The following ZSWIM6 variants were observed in gnomAD, a reference collection of about 807,000 sequenced individuals.
ZSWIM6 encodes the protein zinc finger SWIM-type containing 6.
Under a neutral mutation model 113.2 loss-of-function variants are expected in ZSWIM6, and 9 were observed. The ratio of observed to expected loss-of-function variants is 0.08; its 90% CI spans 0.05 to 0.14. The LOEUF (loss-of-function observed/expected upper bound fraction) is 0.14, where lower values mean the gene tolerates loss of function less well. ZSWIM6 is among the 10% of genes least tolerant of loss of function. The pLI is 1.00. For missense variants in ZSWIM6, 1,162 were observed against 1,552.2 expected, an observed-to-expected ratio of 0.75 and a Z score of 4.22; for synonymous variants, 611 against 606.5, an observed-to-expected ratio of 1.01 and a Z score of -0.11.
chr5:61,491,700 T>TG (rs1179130960), intron 3 of ZSWIM6, among the ~76,000 whole-genome samples: 4 of 152,098 alleles, frequency 2.6e-5, no homozygotes, highest in Non-Finnish European at 5.9e-5. Context: ...ATATTTTCAT[T>TG]GGGGGTATAG....
At position 61,332,581 on chromosome 5, in the gene ZSWIM6, G is replaced by T; in HGVS notation, c.309G>T (p.Glu103Asp). ...RVEERFERIPEPVQRRIVYWS... is the reference protein window; with the variant it reads ...RVEERFERIPDPVQRRIVYWS... Reference sequence around the variant, plus strand: ...AGGAGCGCTTTGAGCGCATCCCGGAGCCGGTGCAGCGCCGCATAGTCTATT... The same window carrying T: ...AGGAGCGCTTTGAGCGCATCCCGGATCCGGTGCAGCGCCGCATAGTCTATT... Residue 103 changes from glutamate to aspartate, a missense_variant, in exon 1 of 14, where the codon GAG (glutamate) becomes GAT (aspartate). By Grantham distance (45) the Glu-to-Asp change is conservative. Transcript: ENST00000252744. 7.4e-7 allele frequency: 1 copy of T among 1,358,484 alleles called. No individual in the cohort carries two copies. 84.2% of individuals were successfully genotyped at this position (1,358,484 alleles called of 1,614,324 possible).
intron 9 of ZSWIM6, among the ~76,000 whole-genome samples, chr5:61,532,766 T>C (rs1035396057): frequency 7.2e-5 from 11 of 152,322 alleles, no homozygotes; most frequent in Admixed American, 4.6e-4. Flanking sequence ...TGAAGCACTC[T>C]CCTGAACCTG....
chr5:61,443,012 C>G (rs992629998), intron 1 of ZSWIM6, among the ~76,000 whole-genome samples: 1 of 152,208 alleles, frequency 6.6e-6, no homozygotes, highest in Admixed American at 6.5e-5. Context: ...CTGCTTCATA[C>G]TAGGTTAGCA....
intron 4 of ZSWIM6, among the ~76,000 whole-genome samples, chr5:61,496,008 C>T (rs1748304773): frequency 6.6e-6 from 1 of 152,084 alleles, no homozygotes; most frequent in African/African-American, 2.4e-5. Context: ...TACATACAGT[C>T]AAATAAAATT....
rs769308131 is a variant in ZSWIM6 at position 61,543,773 on chromosome 5, G to A, written c.3104G>A (p.Arg1035Gln). 9 of 1,551,774 alleles carry A rather than the reference G, an allele frequency of 5.8e-6. No homozygotes were observed. The highest frequency in any genetic ancestry group is 2.4e-5 in the South Asian group (2 of 84,062). The change falls in exon 14 of 14, where the codon CGG becomes CAG. Residue 1035 changes from arginine (R) to glutamine (Q), a missense_variant. By Grantham distance (43) the Arg-to-Gln change is conservative. Around this residue, in one of 4 missense-constraint regions of ZSWIM6, gnomAD observed 620 missense variants for 804.6 expected, o/e 0.77. Coordinates refer to ENST00000252744, the MANE Select transcript of ZSWIM6 (RefSeq NM_020928.2). This position sits in a 1 kb window ranked among gnomAD's most constrained non-coding sequence, Gnocchi z 4.3. ...TATACACAGCTCTTTACAATAGCAC[G>A]GTACATGGAGCACCGCGGGTACCCC... ...MSYTQLFTIA[R>Q]YMEHRGYPMR...
intron 2 of ZSWIM6, among the ~76,000 whole-genome samples, chr5:61,487,464 A>C (rs1748051073): frequency 6.6e-6 from 1 of 151,952 alleles, no homozygotes; most frequent in Admixed American, 6.6e-5. Flanking sequence ...ATTGCGTTGA[A>C]TCTGTAGATT....
intron 1 of ZSWIM6, among the ~76,000 whole-genome samples, chr5:61,400,551 T>C (rs1745924499): frequency 6.6e-6 from 1 of 152,270 alleles, no homozygotes; most frequent in Middle Eastern, 3.2e-3. Flanking sequence ...TGTGACATAC[T>C]TGATGTTTTA....
At chr5:61,477,976 G>T (rs957346744) in intron 2 of ZSWIM6, among the ~76,000 whole-genome samples, 1 of 152,172 alleles carries the variant, frequency 6.6e-6, no homozygotes, top group Non-Finnish European at 1.5e-5. Flanking sequence ...TCATCTGATG[G>T]AGGACTCATG....
chr5:61,455,441 A>C (rs1747185240), intron 1 of ZSWIM6, among the ~76,000 whole-genome samples: 1 of 152,174 alleles, frequency 6.6e-6, no homozygotes, highest in South Asian at 2.1e-4. Flanking sequence ...AAAATCTCCG[A>C]CTTGTACTCG....
At chr5:61,511,448 C>G (rs932190556) in intron 4 of ZSWIM6, among the ~76,000 whole-genome samples, 3 of 152,090 alleles carry the variant, frequency 2.0e-5, no homozygotes, top group African/African-American at 7.2e-5. Flanking sequence ...TCGCTATGGT[C>G]TGAATGTTTG....
At chr5:61,511,826 A>G (rs1037184288) in intron 4 of ZSWIM6, among the ~76,000 whole-genome samples, 1 of 152,176 alleles carries the variant, frequency 6.6e-6, no homozygotes, top group Non-Finnish European at 1.5e-5. Flanking sequence ...AGTAATTCTG[A>G]CTGTGAAGGG....
chr5:61,381,920 T>C (rs1052698977), intron 1 of ZSWIM6, among the ~76,000 whole-genome samples: 1 of 152,198 alleles, frequency 6.6e-6, no homozygotes, highest in Non-Finnish European at 1.5e-5. Flanking sequence ...ATATCTTTCT[T>C]GATATAACAA....
At chr5:61,379,828 A>G (rs1745441671) in intron 1 of ZSWIM6, among the ~76,000 whole-genome samples, 1 of 152,168 alleles carries the variant, frequency 6.6e-6, no homozygotes, top group Non-Finnish European at 1.5e-5. Flanking sequence ...GCTTGACATT[A>G]TTAGTATGTC....
intron 1 of ZSWIM6, among the ~76,000 whole-genome samples, chr5:61,434,231 A>G (rs574922238): frequency 3.8e-4 from 57 of 148,540 alleles, no homozygotes; most frequent in African/African-American, 1.3e-3. Flanking sequence ...TGTATAATAC[A>G]TATATACACA....
intron 1 of ZSWIM6, among the ~76,000 whole-genome samples, chr5:61,450,272 G>T (rs1389155724): frequency 6.6e-6 from 1 of 152,058 alleles, no homozygotes; most frequent in East Asian, 1.9e-4. Context: ...ATGGTGATTT[G>T]TTCAAATTCT....
rs115226967 is a variant in ZSWIM6 at position 61,531,267 on chromosome 5, G to A, written c.1985-198G>A. ...TTTGTAATGTTATATCCCCCAAAAC[G>A]TAAACATTTAATCATTCATGGTCAT... On this transcript the variant is annotated intron_variant, in intron 8 of 13. Coordinates refer to ENST00000252744, the MANE Select transcript of ZSWIM6 (RefSeq NM_020928.2). Among the ~76,000 whole-genome samples the A allele has an allele frequency of 8.9e-3, 1,360 of 152,220 alleles. 15 individuals carry two copies. The highest frequency in any genetic ancestry group is 0.013 in the Non-Finnish European group (853 of 68,008).
intron 2 of ZSWIM6, among the ~76,000 whole-genome samples, chr5:61,475,600 A>G (rs1458982141): frequency 6.6e-6 from 1 of 152,132 alleles, no homozygotes; most frequent in Non-Finnish European, 1.5e-5. Context: ...TCTTCACTTA[A>G]TTTATCATCA....
intron 12 of ZSWIM6, among the ~76,000 whole-genome samples, chr5:61,540,222 A>G (rs1214984906): frequency 6.6e-6 from 1 of 152,188 alleles, no homozygotes; most frequent in East Asian, 1.9e-4. Flanking sequence ...AAAAATAGGT[A>G]AAGGAGGAGT....
chr5:61,496,994 C>T (rs530970487), intron 4 of ZSWIM6, among the ~76,000 whole-genome samples: 4 of 151,976 alleles, frequency 2.6e-5, no homozygotes, highest in South Asian at 4.2e-4. Context: ...AAAGTGGGGC[C>T]GCTCTGTGAC....
Sources: allele counts gnomAD v4.1 joint callset (sites outside exome capture counted in the v4.1 genomes callset), GRCh38; gene constraint gnomAD v4.1.1; regional missense constraint gnomAD v4.1.1; non-coding constraint Gnocchi (gnomAD v3.1); transcripts MANE v1.5; gene names NCBI Gene and HGNC (gene_info 2026-07-23, HGNC 2026-07-21).